Variants in RBFOX1 observed in about 807,000 individuals in gnomAD.
RBFOX1 encodes RNA binding fox-1 homolog 1.
A neutral mutation model predicts 57.7 loss-of-function variants in RBFOX1; 8 were observed. That is an observed-to-expected ratio of 0.14 (90% CI 0.08 to 0.25). RBFOX1 has a LOEUF of 0.25. Among genes scored for constraint, RBFOX1 ranks in the 10% least tolerant of loss-of-function variants. The pLI is 1.00. For missense variants in RBFOX1, 611 were observed against 548.5 expected (o/e 1.11, Z -1.14); for synonymous variants, 326 against 222.4 (o/e 1.47, Z -4.15).
intron 3 of RBFOX1, among the ~76,000 whole-genome samples, chr16:5,735,434 T>C (rs9930417): frequency 0.44 from 66,554 of 151,738 alleles, 14,894 homozygotes; most frequent in East Asian, 0.73. Context: ...CGATACAACT[T>C]TTCTGAACTT....
At chr16:5,739,782 C>G (rs977346768) in intron 3 of RBFOX1, among the ~76,000 whole-genome samples, 3 of 152,244 alleles carry the variant, frequency 2.0e-5, no homozygotes, top group Non-Finnish European at 2.9e-5. Context: ...GCCACTGCCC[C>G]ACGTTGGGGC....
At chr16:6,635,958 G>C (rs939275669) in intron 2 of RBFOX1, among the ~76,000 whole-genome samples, 1 of 152,162 alleles carries the variant, frequency 6.6e-6, no homozygotes, top group African/African-American at 2.4e-5. Context: ...TGGGACCCAA[G>C]TTGAGAACCG....
intron 3 of RBFOX1, among the ~76,000 whole-genome samples, chr16:5,635,919 A>G (rs1283165256): frequency 2.0e-5 from 3 of 152,218 alleles, no homozygotes; most frequent in Admixed American, 2.0e-4. Flanking sequence ...TATCAAAACT[A>G]TTTAACATTC....
chr16:6,112,071 C>T (rs2096452979), intron 1 of RBFOX1, among the ~76,000 whole-genome samples: 1 of 152,086 alleles, frequency 6.6e-6, no homozygotes. Context: ...TCACATGAAA[C>T]ACTTGGCCCA....
At chr16:7,537,206 T>A (rs1358882161) in intron 5 of RBFOX1, among the ~76,000 whole-genome samples, 1 of 152,216 alleles carries the variant, frequency 6.6e-6, no homozygotes, top group Non-Finnish European at 1.5e-5. Context: ...TGCCATGGGC[T>A]GGATGAGAGA....
intron 3 of RBFOX1, among the ~76,000 whole-genome samples, chr16:7,011,483 T>C (rs916996665): frequency 1.3e-5 from 2 of 151,890 alleles, no homozygotes; most frequent in Non-Finnish European, 2.9e-5. Context: ...TTGTGTGTGT[T>C]TGTTTGTTTT....
chr16:7,115,831 A>G (rs1180126778), intron 4 of RBFOX1, among the ~76,000 whole-genome samples: 1 of 152,228 alleles, frequency 6.6e-6, no homozygotes, highest in Non-Finnish European at 1.5e-5. Context: ...ACTGGGGACC[A>G]TGTTACAGGC....
chr16:7,502,763 C>T (rs2071397459), intron 4 of RBFOX1, among the ~76,000 whole-genome samples: 1 of 152,110 alleles, frequency 6.6e-6, no homozygotes, highest in African/African-American at 2.4e-5. Context: ...CTGGCTCATG[C>T]CTGTAATCCC....
At chr16:5,751,542 G>T (rs1463766646) in intron 3 of RBFOX1, among the ~76,000 whole-genome samples, 6 of 152,282 alleles carry the variant, frequency 3.9e-5, no homozygotes, top group Non-Finnish European at 7.3e-5. Flanking sequence ...CTGGATGAAG[G>T]TGAATCTGGA....
chr16:5,892,645 C>G (rs1030977657), intron 4 of RBFOX1, among the ~76,000 whole-genome samples: 1 of 152,178 alleles, frequency 6.6e-6, no homozygotes, highest in Non-Finnish European at 1.5e-5. Flanking sequence ...TGTAGAAGCT[C>G]TGAGGAAGAT....
intron 3 of RBFOX1, among the ~76,000 whole-genome samples, chr16:6,971,247 G>A (rs2085471051): frequency 6.6e-6 from 1 of 152,158 alleles, no homozygotes; most frequent in Non-Finnish European, 1.5e-5. Context: ...TTGTTATGGG[G>A]ATGGGATTCT....
intron 3 of RBFOX1, among the ~76,000 whole-genome samples, chr16:5,806,442 G>C (rs1411673202): frequency 2.0e-5 from 3 of 152,182 alleles, no homozygotes; most frequent in Non-Finnish European, 2.9e-5. Flanking sequence ...GCCAAAGCTA[G>C]TTGCCTCCAG....
At chr16:6,582,996 C>G (rs1402326759) in intron 2 of RBFOX1, among the ~76,000 whole-genome samples, 3 of 150,378 alleles carry the variant, frequency 2.0e-5, no homozygotes, top group East Asian at 2.0e-4. Flanking sequence ...CTTCCTCACT[C>G]TTCTCTCCTC....
intron 6 of RBFOX1, among the ~76,000 whole-genome samples, chr16:7,584,130 G>T (rs2093967503): frequency 6.6e-6 from 1 of 152,080 alleles, no homozygotes; most frequent in Admixed American, 6.5e-5. Context: ...CCTTTCTTTG[G>T]CCTTCACGCA....
At chr16:7,689,245 C>T (rs1231289553) in intron 14 of RBFOX1, among the ~76,000 whole-genome samples, 1 of 152,082 alleles carries the variant, frequency 6.6e-6, no homozygotes, top group Non-Finnish European at 1.5e-5. Flanking sequence ...CTCAATTTGG[C>T]CATTTCATCA....
At chr16:6,372,060 G>A (rs911264586) in intron 2 of RBFOX1, among the ~76,000 whole-genome samples, 1 of 152,184 alleles carries the variant, frequency 6.6e-6, no homozygotes. Flanking sequence ...AAGGATGGTT[G>A]GTTAGGATCA....
intron 2 of RBFOX1, among the ~76,000 whole-genome samples, chr16:6,462,692 T>G (rs928342711): frequency 6.6e-6 from 1 of 152,010 alleles, no homozygotes; most frequent in Non-Finnish European, 1.5e-5. Context: ...TTACCATGTT[T>G]TTACCCCCCA....
At chr16:6,716,214 A>G (rs2064789799) in intron 3 of RBFOX1, among the ~76,000 whole-genome samples, 1 of 152,244 alleles carries the variant, frequency 6.6e-6, no homozygotes, top group African/African-American at 2.4e-5. Context: ...TACAAAAATG[A>G]TGCAAGAAAT....
At chr16:6,943,783 C>T (rs890967934) in intron 3 of RBFOX1, among the ~76,000 whole-genome samples, 2 of 151,706 alleles carry the variant, frequency 1.3e-5, no homozygotes, top group African/African-American at 2.4e-5. Context: ...TGAACTTCAA[C>T]CACTCATAGA....
Sources: gnomAD v4.1 joint callset for allele counts (sites outside exome capture counted in the v4.1 genomes callset) on GRCh38, gnomAD v4.1.1 for gene constraint, MANE v1.5 for transcripts, NCBI Gene and HGNC (gene_info 2026-07-23, HGNC 2026-07-21) for gene names.